Variants in FAM135B observed in about 807,000 individuals in gnomAD.
FAM135B encodes the protein protein FAM135B.
FAM135B carries 43 observed loss-of-function variants against 127.7 expected under a neutral mutation model. The observed-to-expected ratio is 0.34, with a 90% confidence interval of 0.26 to 0.43. FAM135B has a LOEUF of 0.43. FAM135B is among the 20% of genes least tolerant of loss of function. The pLI, the probability that FAM135B is intolerant of heterozygous loss-of-function variation, is 1.00. For synonymous variants in FAM135B, 670 were observed against 665.1 expected, an observed-to-expected ratio of 1.01 and a Z score of -0.11; for missense variants, 1,558 against 1,725.6, an observed-to-expected ratio of 0.90 and a Z score of 1.72.
intron 1 of FAM135B, among the ~76,000 whole-genome samples, chr8:138,383,138 G>A (rs1257011354): frequency 1.3e-5 from 2 of 152,222 alleles, no homozygotes; most frequent in African/African-American, 4.8e-5. Context: ...ACATGTCAGT[G>A]AGGTTAACGA....
At chr8:138,184,235 G>C (rs750053424) in intron 9 of FAM135B, among the ~76,000 whole-genome samples, 38 of 152,310 alleles carry the variant, frequency 2.5e-4, no homozygotes, top group Admixed American at 1.8e-3. Flanking sequence ...GAAATACAAG[G>C]TGTGCAGGAG....
At chr8:138,192,567 A>G (rs1404605311) in intron 9 of FAM135B, among the ~76,000 whole-genome samples, 1 of 140,722 alleles carries the variant, frequency 7.1e-6, no homozygotes, top group Admixed American at 7.3e-5. Flanking sequence ...CACTTGACGG[A>G]TCAGTTGGTA....
chr8:138,292,405 G>GA (rs1398563903), intron 3 of FAM135B, among the ~76,000 whole-genome samples: 2 of 151,824 alleles, frequency 1.3e-5, no homozygotes, highest in African/African-American at 4.8e-5. Flanking sequence ...CACATAAATA[G>GA]AAAAAAGAAC....
At chr8:138,394,921 G>A (rs1378670658) in intron 1 of FAM135B, among the ~76,000 whole-genome samples, 2 of 152,172 alleles carry the variant, frequency 1.3e-5, no homozygotes, top group Non-Finnish European at 2.9e-5. Flanking sequence ...AGATTCAGGG[G>A]CCAAAGGGAG....
intron 1 of FAM135B, among the ~76,000 whole-genome samples, chr8:138,486,983 T>C (rs1185485543): frequency 6.6e-6 from 1 of 152,082 alleles, no homozygotes; most frequent in Non-Finnish European, 1.5e-5. Flanking sequence ...TTTTTAATTA[T>C]ACTTTAAGTT....
intron 11 of FAM135B, among the ~76,000 whole-genome samples, chr8:138,177,070 C>T (rs1814540049): frequency 6.6e-6 from 1 of 152,224 alleles, no homozygotes; most frequent in South Asian, 2.1e-4. Context: ...GGACTCAGCA[C>T]AGATGTCTTC....
intron 1 of FAM135B, among the ~76,000 whole-genome samples, chr8:138,446,659 A>G (rs1376024933): frequency 2.0e-5 from 3 of 151,790 alleles, no homozygotes; most frequent in Admixed American, 6.6e-5. Flanking sequence ...TTAATTCAAG[A>G]TGGATTAAAG....
intron 2 of FAM135B, among the ~76,000 whole-genome samples, chr8:138,338,995 C>T (rs907230187): frequency 6.6e-6 from 1 of 151,180 alleles, no homozygotes; most frequent in Non-Finnish European, 1.5e-5. Context: ...TCATTCTCAG[C>T]AAACTATCGC....
intron 1 of FAM135B, among the ~76,000 whole-genome samples, chr8:138,370,383 T>A (rs1199941857): frequency 6.6e-6 from 1 of 152,160 alleles, no homozygotes; most frequent in Non-Finnish European, 1.5e-5. Flanking sequence ...ATGTTAGGCA[T>A]TATAACCAAA....
chr8:138,291,914 AG>A (rs1274322363), intron 3 of FAM135B, among the ~76,000 whole-genome samples: 1 of 152,174 alleles, frequency 6.6e-6, no homozygotes, highest in Non-Finnish European at 1.5e-5. Flanking sequence ...CAGTATGGAA[AG>A]GCTTAGCCAA....
At chr8:138,409,996 A>G (rs928246295) in intron 1 of FAM135B, among the ~76,000 whole-genome samples, 1 of 151,968 alleles carries the variant, frequency 6.6e-6, no homozygotes, top group African/African-American at 2.4e-5. Flanking sequence ...CAGGGCCCAC[A>G]TTCTAAACTG....
intron 1 of FAM135B, among the ~76,000 whole-genome samples, chr8:138,445,448 AT>A (rs1255057513): frequency 6.6e-6 from 1 of 152,332 alleles, no homozygotes; most frequent in East Asian, 1.9e-4. Flanking sequence ...CAAAAAGCTT[AT>A]CCACCATGAT....
intron 3 of FAM135B, among the ~76,000 whole-genome samples, chr8:138,273,025 GA>G (rs748729492): frequency 1.3e-5 from 2 of 152,266 alleles, no homozygotes; most frequent in African/African-American, 2.4e-5. Context: ...GATGACCTAT[GA>G]AAGTACCTGG....
At chr8:138,463,507 C>T (rs1837236429) in intron 1 of FAM135B, among the ~76,000 whole-genome samples, 1 of 152,152 alleles carries the variant, frequency 6.6e-6, no homozygotes, top group Non-Finnish European at 1.5e-5. Flanking sequence ...CCAGCTCCAC[C>T]ACCTCCAGGC....
chr8:138,494,472 A>T (rs928743980), intron 1 of FAM135B, among the ~76,000 whole-genome samples: 1 of 152,212 alleles, frequency 6.6e-6, no homozygotes, highest in African/African-American at 2.4e-5. Flanking sequence ...GTGTTGTGGG[A>T]GCACATGAGA....
intron 3 of FAM135B, among the ~76,000 whole-genome samples, chr8:138,295,133 G>GTTTT (rs1825391498): frequency 3.3e-4 from 38 of 115,360 alleles, no homozygotes; most frequent in East Asian, 2.8e-3. Context: ...TTTTTTTTGG[G>GTTTT]TAGGAATCCC....
Position 138,243,520 on chromosome 8 carries a change from A to G in FAM135B, c.543-452T>C, listed in dbSNP as rs1172100714. Reference sequence around the variant, plus strand: ...GGAAAAGCATAAAACATCTTCCTCCATGATCCGCATGAGAGTCTAATACGA... The same window carrying G: ...GGAAAAGCATAAAACATCTTCCTCCGTGATCCGCATGAGAGTCTAATACGA... On this transcript the variant is annotated intron_variant, in intron 6 of 19. Transcript: ENST00000395297. The surrounding 1 kb of genome is among the most constrained non-coding windows in gnomAD (Gnocchi z 7.5). Among the ~76,000 whole-genome samples the G allele has an allele frequency of 6.6e-6, 1 of 152,186 alleles. No homozygotes were observed. The highest frequency in any genetic ancestry group is 1.9e-4 in the East Asian group (1 of 5,186).
chr8:138,193,402 C>T (rs1816318354), intron 9 of FAM135B, among the ~76,000 whole-genome samples: 2 of 152,106 alleles, frequency 1.3e-5, no homozygotes, highest in Admixed American at 1.3e-4. Context: ...ATAACAGGCA[C>T]AGAAAACAAC....
chr8:138,352,933 G>T (rs1312697985), intron 2 of FAM135B, among the ~76,000 whole-genome samples: 1 of 152,080 alleles, frequency 6.6e-6, no homozygotes, highest in Non-Finnish European at 1.5e-5. Context: ...TTCATCAATA[G>T]CCAGCTAACA....
Sources: gnomAD v4.1 joint callset for allele counts (sites outside exome capture counted in the v4.1 genomes callset) on GRCh38, gnomAD v4.1.1 for gene constraint, Gnocchi (gnomAD v3.1) non-coding constraint, MANE v1.5 for transcripts, NCBI Gene and HGNC (gene_info 2026-07-23, HGNC 2026-07-21) for gene names.